The following FAM167A variants were observed in gnomAD, a reference collection of about 807,000 sequenced individuals.
FAM167A encodes family with sequence similarity 167 member A, also known as protein FAM167A.
A neutral mutation model predicts 14.9 loss-of-function variants in FAM167A; 23 were observed. The observed-to-expected ratio is 1.55, with a 90% CI of 1.11 to 2.19. FAM167A has a LOEUF of 2.19. Among genes scored for constraint, FAM167A ranks in the 30% most tolerant of loss-of-function variants. FAM167A has a pLI of 0.00. For missense variants in FAM167A, 401 were observed against 281.5 expected, an observed-to-expected ratio of 1.42 and a Z score of -3.04; for synonymous variants, 174 against 117.7, an observed-to-expected ratio of 1.48 and a Z score of -3.10.
intron 1 of FAM167A, among the ~76,000 whole-genome samples, chr8:11,460,704 A>T (rs1807504482): frequency 6.6e-6 from 1 of 152,116 alleles, no homozygotes; most frequent in Non-Finnish European, 1.5e-5. Context: ...CTTCCTAAGA[A>T]TTATACCACA....
chr8:11,444,303 G>T lies in FAM167A; in HGVS notation c.109C>A (p.Leu37Met). 1 of 1,612,348 alleles carries T rather than the reference G, an allele frequency of 6.2e-7. No individual in the cohort carries two copies. Among genetic ancestry groups the T allele is most frequent in the Non-Finnish European group, 8.5e-7 (1 of 1,179,830 alleles). Residue 37 changes from leucine (L) to methionine (M), a missense_variant, in exon 2 of 3, where the codon CTG (leucine) becomes ATG (methionine). Physicochemically the swap from Leu to Met is conservative, Grantham distance 15. Transcript: ENST00000284486. ...LRSLKALTEKLRLETRRPSYL... is the reference protein window; with the variant it reads ...LRSLKALTEKMRLETRRPSYL... ...GAGGGCCTGCGGGTCTCCAGCCTCA[G>T]TTTCTCGGTGAGGGCCTTCAGGCTC...
chr8:11,470,859 T>C (rs1325789532), upstream of FAM167A, among the ~76,000 whole-genome samples: 1 of 152,010 alleles, frequency 6.6e-6, no homozygotes, highest in Non-Finnish European at 1.5e-5. Flanking sequence ...AAGCGGGAAG[T>C]GACTGTCTTA....
Position 11,437,886 on chromosome 8 carries a change from G to T in FAM167A, c.381+6145C>A, listed in dbSNP as rs375194916. On this transcript the variant is annotated intron_variant, in intron 2 of 2. Transcript: ENST00000284486. ...GCTGCCAAGGAAGTGAGGAATTTGC[G>T]TATTTCCCTTTGGTTAATTTCATCA... Among the ~76,000 whole-genome samples the T allele has an allele frequency of 7.3e-5, 11 of 149,796 alleles. No homozygotes were observed. In the South Asian group the frequency reaches 2.3e-3, roughly 31 times the overall value.
intron 2 of FAM167A, among the ~76,000 whole-genome samples, chr8:11,431,072 A>C (rs974334470): frequency 6.6e-6 from 1 of 152,254 alleles, no homozygotes; most frequent in Admixed American, 6.5e-5. Flanking sequence ...CACCCCAAAC[A>C]AATGAAGGCA....
At chr8:11,448,084 C>T (rs1056101148) in intron 1 of FAM167A, among the ~76,000 whole-genome samples, 1 of 152,084 alleles carries the variant, frequency 6.6e-6, no homozygotes, top group Admixed American at 6.5e-5. Flanking sequence ...ATCCCAGCTA[C>T]TTGGGAGACT....
At chr8:11,450,917 C>G (rs1337435858) in intron 1 of FAM167A, among the ~76,000 whole-genome samples, 1 of 152,198 alleles carries the variant, frequency 6.6e-6, no homozygotes, top group African/African-American at 2.4e-5. Context: ...GGGACAAAGA[C>G]AGGAACAGCT....
intron 2 of FAM167A, among the ~76,000 whole-genome samples, chr8:11,437,426 G>A (rs528632364): frequency 6.6e-6 from 1 of 152,166 alleles, no homozygotes; most frequent in Non-Finnish European, 1.5e-5. Context: ...TGCTCAACGC[G>A]CTGCCAAGTA....
At chr8:11,458,725 G>T (rs1807426415) in intron 1 of FAM167A, among the ~76,000 whole-genome samples, 1 of 152,110 alleles carries the variant, frequency 6.6e-6, no homozygotes, top group Admixed American at 6.6e-5. Context: ...AGTTTCCAGA[G>T]TCTGGAGAAA....
At chr8:11,432,532 C>T (rs1413364663) in intron 2 of FAM167A, among the ~76,000 whole-genome samples, 1 of 152,170 alleles carries the variant, frequency 6.6e-6, no homozygotes, top group East Asian at 1.9e-4. Flanking sequence ...CATCTCACAC[C>T]AGTTAGGATG....
intron 2 of FAM167A, chr8:11,434,895 A>G (rs1021236818): frequency 3.6e-5 from 14 of 385,000 alleles, no homozygotes; most frequent in Admixed American, 1.1e-4. Flanking sequence ...TGTGCCGGAG[A>G]GAGAGTGGGA....
chr8:11,433,675 G>T (rs1805777694), intron 2 of FAM167A, among the ~76,000 whole-genome samples: 1 of 152,154 alleles, frequency 6.6e-6, no homozygotes, highest in Non-Finnish European at 1.5e-5. Context: ...GGTGGTGAAG[G>T]GCATTTTGTC....
chr8:11,434,484 A>G (rs1737167684), intron 2 of FAM167A, among the ~76,000 whole-genome samples: 4 of 152,032 alleles, frequency 2.6e-5, no homozygotes, highest in Admixed American at 2.6e-4. Context: ...CCCCTGGGGA[A>G]TGGTGAGTTT....
intron 1 of FAM167A, among the ~76,000 whole-genome samples, chr8:11,454,462 C>G (rs1185558543): frequency 6.6e-6 from 1 of 152,232 alleles, no homozygotes; most frequent in Non-Finnish European, 1.5e-5. Flanking sequence ...GTAGAGGGCA[C>G]AGCCCTGATT....
upstream of FAM167A, among the ~76,000 whole-genome samples, chr8:11,468,796 G>C (rs757746062): frequency 6.6e-6 from 1 of 152,228 alleles, no homozygotes; most frequent in South Asian, 2.1e-4. Flanking sequence ...GCTTTCTCAT[G>C]GGGGAATTGT....
chr8:11,451,829 C>T (rs1203555519), intron 1 of FAM167A, among the ~76,000 whole-genome samples: 1 of 152,168 alleles, frequency 6.6e-6, no homozygotes, highest in Non-Finnish European at 1.5e-5. Flanking sequence ...AAGGACTGGC[C>T]CGGGATCTCC....
upstream of FAM167A, among the ~76,000 whole-genome samples, chr8:11,469,525 G>C (rs1807889379): frequency 6.6e-6 from 1 of 152,098 alleles, no homozygotes. Context: ...TGATGCATGA[G>C]ACATTGCCTC....
chr8:11,433,143 G>A (rs976563803), intron 2 of FAM167A, among the ~76,000 whole-genome samples: 1 of 152,000 alleles, frequency 6.6e-6, no homozygotes, highest in Non-Finnish European at 1.5e-5. Context: ...ACCATGGCAT[G>A]TGTATACCTA....
chr8:11,444,495 C>A lies in FAM167A; in HGVS notation c.-84G>T, dbSNP rs553179000. The A allele has an allele frequency of 1.3e-5, 19 of 1,492,926 alleles. No individual in the cohort carries two copies. In the East Asian group the frequency reaches 3.7e-4, roughly 29 times the overall value. The allele number at this position is 1,492,926 out of a possible 1,614,324, so 92.5% of individuals were successfully genotyped here. ...TGGTGGGTGGCACAGTTGGGTCCCG[C>A]TCTGGGATGGCCTCATCCAGGTGCC... On this transcript the variant is annotated 5_prime_UTR_variant, in exon 2 of 3. Transcript: ENST00000284486.
rs762521323 is a variant in FAM167A at position 11,444,234 on chromosome 8, A to G, written c.178T>C (p.Phe60Leu). Residue 60 changes from phenylalanine (F) to leucine (L), a missense_variant, in exon 2 of 3, where the codon TTC becomes CTC. Coordinates refer to ENST00000284486, the MANE Select transcript of FAM167A (RefSeq NM_053279.3). ...TGTGGCTCCGCAGCCGGCCTCGGGA[A>G]GGGCCAGGTATGCTCCTCCAGCCTG... ...QARLEEHTWP[F>L]PRPAAEPQAS... is the part of the protein sequence containing the mutation. 2 of 1,611,444 alleles carry G rather than the reference A, an allele frequency of 1.2e-6. No individual in the cohort carries two copies. The highest frequency in any genetic ancestry group is 1.3e-5 in the African/African-American group (1 of 74,666).
Sources: gnomAD v4.1 joint callset for allele counts (sites outside exome capture counted in the v4.1 genomes callset) on GRCh38, gnomAD v4.1.1 for gene constraint, MANE v1.5 for transcripts, NCBI Gene and HGNC (gene_info 2026-07-23, HGNC 2026-07-21) for gene names.